Variants in SGCZ observed in about 807,000 individuals in gnomAD.
SGCZ encodes the protein zeta-sarcoglycan.
Under a neutral mutation model 41.3 loss-of-function variants are expected in SGCZ, and 40 were observed. That is an observed-to-expected ratio of 0.97 (90% confidence interval 0.75 to 1.26). The LOEUF is 1.26. SGCZ is among the 50% of genes most tolerant of loss of function. SGCZ has a pLI of 0.00. For missense variants in SGCZ, 552 were observed against 369.8 expected (o/e 1.49, Z -4.04); for synonymous variants, 206 against 137.5 (o/e 1.50, Z -3.49).
intron 2 of SGCZ, among the ~76,000 whole-genome samples, chr8:14,429,354 C>T (rs1176820723): frequency 1.3e-5 from 2 of 152,090 alleles, no homozygotes; most frequent in African/African-American, 4.8e-5. Context: ...AAAGCCTGGG[C>T]TATCAGCAGA....
chr8:14,801,765 A>G (rs530629854), intron 1 of SGCZ, among the ~76,000 whole-genome samples: 2 of 152,328 alleles, frequency 1.3e-5, no homozygotes, highest in South Asian at 4.1e-4. Context: ...TGATTCACTG[A>G]CAAAAAATCA....
intron 7 of SGCZ, among the ~76,000 whole-genome samples, chr8:14,100,282 G>T (rs1035577184): frequency 2.6e-5 from 4 of 151,336 alleles, no homozygotes; most frequent in African/African-American, 9.7e-5. Context: ...AAAGGACTCT[G>T]CTGATACCAT....
At chr8:14,970,591 C>T (rs1199122062) in intron 1 of SGCZ, among the ~76,000 whole-genome samples, 1 of 152,056 alleles carries the variant, frequency 6.6e-6, no homozygotes, top group Non-Finnish European at 1.5e-5. Flanking sequence ...CTTTGTATTT[C>T]TGCTGAAAAT....
chr8:14,184,931 T>A (rs565431891), intron 4 of SGCZ, among the ~76,000 whole-genome samples: 1 of 152,342 alleles, frequency 6.6e-6, no homozygotes, highest in Non-Finnish European at 1.5e-5. Context: ...ATGATTGGTA[T>A]AGCAATAAAA....
intron 1 of SGCZ, among the ~76,000 whole-genome samples, chr8:14,825,309 A>T (rs1256765298): frequency 1.3e-5 from 2 of 152,122 alleles, no homozygotes; most frequent in African/African-American, 4.8e-5. Context: ...CTTATCTCTC[A>T]CTATTCTTGT....
chr8:14,634,350 T>G lies in SGCZ; in HGVS notation c.40-79424A>C, dbSNP rs145316679. Among the ~76,000 whole-genome samples the G allele has an allele frequency of 1.8e-3, 279 of 152,050 alleles. 3 individuals carry two copies. In the Middle Eastern group the frequency reaches 0.02, roughly 11 times the overall value. On this transcript the variant is annotated intron_variant, in intron 1 of 7. Transcript: ENST00000382080. ...TAAAGGGATACTGGTTTCATTTTCT[T>G]TGTTTATTTTGTATTTTTTTTGTTC...
chr8:14,883,452 A>G (rs993706640), intron 1 of SGCZ, among the ~76,000 whole-genome samples: 4 of 152,056 alleles, frequency 2.6e-5, no homozygotes, highest in African/African-American at 9.7e-5. Flanking sequence ...GTTTTTAAAA[A>G]TGAGTTTCAG....
intron 1 of SGCZ, among the ~76,000 whole-genome samples, chr8:15,206,772 A>G (rs1801081946): frequency 6.7e-6 from 1 of 149,740 alleles, no homozygotes; most frequent in Non-Finnish European, 1.5e-5. Flanking sequence ...TGAGCAACTA[A>G]AGAGATTTTT....
At chr8:15,141,551 C>T (rs1297694049) in intron 1 of SGCZ, among the ~76,000 whole-genome samples, 2 of 152,188 alleles carry the variant, frequency 1.3e-5, no homozygotes, top group African/African-American at 2.4e-5. Flanking sequence ...TGACTTGGGT[C>T]CCTAGATTCT....
intron 3 of SGCZ, among the ~76,000 whole-genome samples, chr8:14,253,324 A>C (rs1265164404): frequency 2.6e-5 from 4 of 151,930 alleles, no homozygotes; most frequent in Non-Finnish European, 4.4e-5. Flanking sequence ...ATGAATTGCC[A>C]GATCTTACGT....
intron 2 of SGCZ, among the ~76,000 whole-genome samples, chr8:14,521,218 C>T (rs908820903): frequency 6.6e-6 from 1 of 152,108 alleles, no homozygotes; most frequent in Non-Finnish European, 1.5e-5. Context: ...CTGATTGCAC[C>T]CACTCCATGA....
intron 5 of SGCZ, among the ~76,000 whole-genome samples, chr8:14,122,102 C>G (rs1429258970): frequency 6.6e-6 from 1 of 152,134 alleles, no homozygotes; most frequent in Non-Finnish European, 1.5e-5. Context: ...ATGGTGAAAC[C>G]CGGTCTCTAC....
chr8:15,097,760 A>AG (rs1806404730), intron 1 of SGCZ, among the ~76,000 whole-genome samples: 1 of 45,338 alleles, frequency 2.2e-5, no homozygotes, highest in Admixed American at 2.9e-4. Context: ...ACACGTATAT[A>AG]TGTGTTTATA....
At chr8:14,532,569 G>A (rs967714426) in intron 2 of SGCZ, among the ~76,000 whole-genome samples, 1 of 151,762 alleles carries the variant, frequency 6.6e-6, no homozygotes, top group Non-Finnish European at 1.5e-5. Flanking sequence ...GGAGCAAGTG[G>A]AATAGCATTC....
chr8:14,238,683 A>C (rs1806856333), intron 3 of SGCZ, among the ~76,000 whole-genome samples: 1 of 152,168 alleles, frequency 6.6e-6, no homozygotes, highest in Non-Finnish European at 1.5e-5. Context: ...GATCATTTAC[A>C]AATCTCTATT....
intron 1 of SGCZ, among the ~76,000 whole-genome samples, chr8:14,882,687 C>T (rs932148883): frequency 3.9e-5 from 6 of 152,246 alleles, no homozygotes; most frequent in Non-Finnish European, 7.3e-5. Flanking sequence ...TGTTTGATTA[C>T]GACAGCTCTG....
At chr8:14,480,931 GACTT>G (rs1349506888) in intron 2 of SGCZ, among the ~76,000 whole-genome samples, 2 of 151,868 alleles carry the variant, frequency 1.3e-5, no homozygotes, top group Non-Finnish European at 2.9e-5. Flanking sequence ...TCTTATAAAA[GACTT>G]GTAAAGACTT....
chr8:15,061,333 T>C (rs983585145), intron 1 of SGCZ, among the ~76,000 whole-genome samples: 5 of 150,882 alleles, frequency 3.3e-5, no homozygotes, highest in African/African-American at 7.3e-5. Flanking sequence ...AGTAGAACAA[T>C]GAGAACACAT....
At chr8:15,214,628 C>A (rs1356795043) in intron 1 of SGCZ, among the ~76,000 whole-genome samples, 1 of 152,144 alleles carries the variant, frequency 6.6e-6, no homozygotes, top group Non-Finnish European at 1.5e-5. Flanking sequence ...CCTGTGCAAT[C>A]TCAGGCAGTT....
Sources: allele counts gnomAD v4.1 joint callset (sites outside exome capture counted in the v4.1 genomes callset), GRCh38; gene constraint gnomAD v4.1.1; transcripts MANE v1.5; gene names NCBI Gene and HGNC (gene_info 2026-07-23, HGNC 2026-07-21).